SLC4A5: variants seen among roughly 807,000 people sequenced by gnomAD.
SLC4A5 encodes the protein solute carrier family 4 member 5, also known as electrogenic sodium bicarbonate cotransporter 4.
SLC4A5 carries 96 observed loss-of-function variants against 120.4 expected under a neutral mutation model. The observed-to-expected ratio is 0.80, with a 90% confidence interval of 0.68 to 0.94. The LOEUF is 0.94. Among genes scored for constraint, SLC4A5 ranks in the 40% least tolerant of loss-of-function variants. The probability of loss-of-function intolerance (pLI) is 0.00; values close to 1 mark genes in which losing one functional copy is unlikely to be tolerated. For missense variants in SLC4A5, 1,259 were observed against 1,459.5 expected (o/e 0.86, Z 2.24); for synonymous variants, 550 against 571.1 (o/e 0.96, Z 0.53).
At chr2:74,275,779 TA>T (rs1385458616) in intron 8 of SLC4A5, among the ~76,000 whole-genome samples, 1 of 152,282 alleles carries the variant, frequency 6.6e-6, no homozygotes, top group Non-Finnish European at 1.5e-5. Context: ...TTATCTCATT[TA>T]ATCCTTAAAT....
At chr2:74,227,840 G>A (rs770635120) in exon 26 of SLC4A5, 1 of 1,612,234 alleles carries the variant, frequency 6.2e-7, no homozygotes, top group Non-Finnish European at 8.5e-7. Flanking sequence ...CCACGCCCAT[G>A]TAGAGGAAGA....
exon 29 of SLC4A5, chr2:74,222,921 A>G: frequency 1.2e-6 from 2 of 1,613,480 alleles, no homozygotes; most frequent in Middle Eastern, 3.3e-4. Context: ...TTCCATGGGA[A>G]TCTTTATAAC....
At chr2:74,327,543 A>G (rs1186463150) in intron 5 of SLC4A5, among the ~76,000 whole-genome samples, 1 of 152,220 alleles carries the variant, frequency 6.6e-6, no homozygotes, top group Admixed American at 6.5e-5. Context: ...GACAAAACAA[A>G]CAAATATCCC....
At chr2:74,287,190 T>C (rs914556029) in intron 7 of SLC4A5, among the ~76,000 whole-genome samples, 1 of 152,200 alleles carries the variant, frequency 6.6e-6, no homozygotes, top group Non-Finnish European at 1.5e-5. Context: ...CCTCTACTCT[T>C]TTCTTCATCA....
chr2:74,343,239 C>G (rs543084826), intron 1 of SLC4A5, 117 bp downstream of exon 1: 1 of 152,342 alleles, frequency 6.6e-6, no homozygotes, highest in African/African-American at 2.4e-5. Flanking sequence ...AAATTCTCAT[C>G]TGACTCTTGG....
chr2:74,249,382 G>A (rs773041846), intron 17 of SLC4A5, among the ~76,000 whole-genome samples: 1 of 152,212 alleles, frequency 6.6e-6, no homozygotes, highest in Non-Finnish European at 1.5e-5. Context: ...AGTGTCCCAG[G>A]AAGAGGGAAT....
chr2:74,242,153 G>C (rs1670469937), intron 19 of SLC4A5, 101 bp from the exon 20 acceptor site: 2 of 1,107,592 alleles, frequency 1.8e-6, no homozygotes, highest in Non-Finnish European at 2.6e-6. Context: ...TAGAGCCAAG[G>C]CCTGGCTTCC....
At chr2:74,246,630 C>T (rs72818061) in intron 19 of SLC4A5, among the ~76,000 whole-genome samples, 19 of 152,354 alleles carry the variant, frequency 1.2e-4, no homozygotes, top group South Asian at 4.1e-4. Flanking sequence ...TGTGGCCACA[C>T]GGGCAGCTCT....
At chr2:74,311,546 CTTCT>C (rs139480217) in intron 6 of SLC4A5, among the ~76,000 whole-genome samples, 69 of 152,218 alleles carry the variant, frequency 4.5e-4, no homozygotes, top group African/African-American at 1.6e-3. Context: ...CTTAAGACTT[CTTCT>C]TTGACTACTC....
At chr2:74,227,235 C>A in intron 26 of SLC4A5, 105 bp from the exon 27 acceptor site, 1 of 1,316,442 alleles carries the variant, frequency 7.6e-7, no homozygotes, top group Admixed American at 2.4e-5. Flanking sequence ...AGAGGGGAAG[C>A]CCCCTGCTCA....
At chr2:74,265,323 G>C (rs930796836) in intron 8 of SLC4A5, 59 bp from the exon 9 acceptor site, 1 of 1,575,724 alleles carries the variant, frequency 6.3e-7, no homozygotes, top group African/African-American at 1.3e-5. Context: ...GGCCTCACCT[G>C]GGTCTCCCCA....
intron 12 of SLC4A5, among the ~76,000 whole-genome samples, chr2:74,257,420 G>A (rs991558973): frequency 2.0e-5 from 3 of 152,106 alleles, no homozygotes; most frequent in African/African-American, 7.2e-5. Flanking sequence ...TCAGGGTGGA[G>A]GGCTGGGTGT....
At chr2:74,262,698 C>CAA (rs1237319584) in intron 10 of SLC4A5, among the ~76,000 whole-genome samples, 5 of 106,592 alleles carry the variant, frequency 4.7e-5, no homozygotes, top group Admixed American at 9.6e-5. Flanking sequence ...GACTCCGTCT[C>CAA]AAAAAAAAAA....
chr2:74,251,758 C>T (rs1164811772), intron 16 of SLC4A5, among the ~76,000 whole-genome samples: 1 of 152,150 alleles, frequency 6.6e-6, no homozygotes, highest in Admixed American at 6.6e-5. Flanking sequence ...GACTGCTGGC[C>T]ACCACCAGAA....
chr2:74,286,469 C>T (rs919772441), intron 7 of SLC4A5, among the ~76,000 whole-genome samples: 4 of 152,180 alleles, frequency 2.6e-5, no homozygotes, highest in African/African-American at 7.2e-5. Flanking sequence ...CCTCAAAACT[C>T]GACATTCCTC....
chr2:74,288,096 G>A (rs1672041869), intron 7 of SLC4A5, among the ~76,000 whole-genome samples: 1 of 152,174 alleles, frequency 6.6e-6, no homozygotes, highest in Non-Finnish European at 1.5e-5. Flanking sequence ...AGGCCTCGCA[G>A]AGTATGAAAT....
intron 18 of SLC4A5, 115 bp downstream of exon 18, chr2:74,248,238 T>TG: frequency 7.2e-7 from 1 of 1,383,578 alleles, no homozygotes; most frequent in Non-Finnish European, 9.8e-7. Flanking sequence ...TAGTTAAAGA[T>TG]GGCTTTGGCA....
chr2:74,232,179 T>G (rs951917919), intron 24 of SLC4A5, among the ~76,000 whole-genome samples: 1 of 152,110 alleles, frequency 6.6e-6, no homozygotes, highest in Non-Finnish European at 1.5e-5. Flanking sequence ...CACGAAGCCT[T>G]GTGGGGACCT....
intron 27 of SLC4A5, 137 bp from the exon 28 acceptor site, chr2:74,225,132 C>T (rs828863): frequency 0.077 from 58,000 of 752,874 alleles, 2,667 homozygotes; most frequent in Middle Eastern, 0.12. Context: ...GGAGCCGTCT[C>T]GAAGCTCCCA....
Sources: gnomAD v4.1 joint callset for allele counts (sites outside exome capture counted in the v4.1 genomes callset) on GRCh38, gnomAD v4.1.1 for gene constraint, MANE v1.5 for transcripts, NCBI Gene and HGNC (gene_info 2026-07-23, HGNC 2026-07-21) for gene names.